Variants in TXNDC16 observed in about 807,000 individuals in gnomAD.
The protein encoded by TXNDC16 is thioredoxin domain containing 16, also known as thioredoxin domain-containing protein 16.
In TXNDC16, 74 loss-of-function variants were observed where a neutral mutation model predicts 85.6. The observed-to-expected ratio is 0.86, with a 90% CI of 0.72 to 1.05. TXNDC16 has a LOEUF of 1.05. Ranked by LOEUF, TXNDC16 falls within the 50% of genes least tolerant of loss-of-function variation. The probability of loss-of-function intolerance (pLI) is 0.00; values close to 1 mark genes in which losing one functional copy is unlikely to be tolerated. For missense variants in TXNDC16, 959 were observed against 947.0 expected (o/e 1.01, Z -0.17); for synonymous variants, 335 against 326.5 (o/e 1.03, Z -0.28).
chr14:52,529,213 A>C (rs947295495), intron 6 of TXNDC16, among the ~76,000 whole-genome samples: 82 of 150,282 alleles, frequency 5.5e-4, no homozygotes, highest in Non-Finnish European at 1.2e-4. Flanking sequence ...CATTCTCAGC[A>C]AACTATCGCA....
In TXNDC16 at chr14:52,484,982, C is replaced by G. The variant is rs566768341; in HGVS notation, c.1109-2017G>C. On this transcript the variant is annotated intron_variant, in intron 12 of 20. Coordinates refer to ENST00000281741, the MANE Select transcript of TXNDC16 (RefSeq NM_020784.3). ...ATTATTGGTTTATATATTTACTATA[C>G]TCATCATTAGAGTGTACTCCTTTCA... Among the ~76,000 whole-genome samples the G allele has an allele frequency of 2.0e-5, 3 of 152,254 alleles. No homozygotes were observed. The South Asian group carries it at 6.2e-4, about 32-fold the overall frequency.
chr14:52,457,522 T>C (rs777961727), intron 16 of TXNDC16, among the ~76,000 whole-genome samples: 5 of 152,194 alleles, frequency 3.3e-5, no homozygotes, highest in Non-Finnish European at 5.9e-5. Flanking sequence ...AGCTGTCTTA[T>C]GTGTAGCCTG....
At chr14:52,466,623 T>C (rs2035781938) in intron 16 of TXNDC16, among the ~76,000 whole-genome samples, 1 of 151,702 alleles carries the variant, frequency 6.6e-6, no homozygotes, top group Non-Finnish European at 1.5e-5. Flanking sequence ...TCCCAGCACT[T>C]TGGGAGGCCG....
intron 2 of TXNDC16, 35 bp from the exon 3 acceptor site, chr14:52,543,665 G>C: frequency 8.1e-7 from 1 of 1,232,972 alleles, no homozygotes. Context: ...AGAGTTTGTT[G>C]AATGAATTTG....
intron 14 of TXNDC16, among the ~76,000 whole-genome samples, chr14:52,481,517 T>C (rs2036150551): frequency 1.3e-5 from 2 of 152,186 alleles, no homozygotes; most frequent in Non-Finnish European, 2.9e-5. Context: ...CCAACAATTA[T>C]TGAAAACCAG....
intron 6 of TXNDC16, among the ~76,000 whole-genome samples, chr14:52,534,017 G>A (rs1179314199): frequency 6.6e-6 from 1 of 152,162 alleles, no homozygotes; most frequent in South Asian, 2.1e-4. Context: ...TACTGCTTAT[G>A]TGCCAAGTGT....
intron 9 of TXNDC16, among the ~76,000 whole-genome samples, chr14:52,501,343 T>A (rs563330967): frequency 6.6e-6 from 1 of 152,236 alleles, no homozygotes; most frequent in Admixed American, 6.5e-5. Context: ...TAATAATACA[T>A]ATAATTGCAA....
intron 16 of TXNDC16, among the ~76,000 whole-genome samples, chr14:52,468,173 T>G (rs1244230320): frequency 6.6e-6 from 1 of 152,170 alleles, no homozygotes; most frequent in Admixed American, 6.6e-5. Context: ...GGAGATTAGT[T>G]GTACAACAAT....
chr14:52,531,926 C>G (rs1032532701), intron 6 of TXNDC16, among the ~76,000 whole-genome samples: 3 of 152,088 alleles, frequency 2.0e-5, no homozygotes, highest in Admixed American at 2.0e-4. Context: ...TCTGTACTAT[C>G]TGCTCAAATT....
At position 52,543,607 on chromosome 14, in the gene TXNDC16, G is replaced by A. The variant is rs371326245; in HGVS notation, c.-50C>T. On this transcript the variant is annotated 5_prime_UTR_variant, in exon 3 of 21. Coordinates refer to ENST00000281741, the MANE Select transcript of TXNDC16 (RefSeq NM_020784.3). ...GGATTTTGTCTGTTTTTTCACTGCTGTGTTCTGTTTCCTAAGACAACACCT... is the reference window on the plus strand; with the variant it reads ...GGATTTTGTCTGTTTTTTCACTGCTATGTTCTGTTTCCTAAGACAACACCT... The A allele has an allele frequency of 6.3e-7, 1 of 1,599,592 alleles. No homozygotes were observed. The highest frequency in any genetic ancestry group is 8.5e-7 in the Non-Finnish European group (1 of 1,173,772).
intron 16 of TXNDC16, among the ~76,000 whole-genome samples, chr14:52,457,566 A>G (rs2035563265): frequency 2.0e-5 from 3 of 152,346 alleles, no homozygotes; most frequent in African/African-American, 7.2e-5. Context: ...TGATATGCAC[A>G]TTATAACCAT....
chr14:52,455,715 T>C (rs2035517704), intron 17 of TXNDC16, among the ~76,000 whole-genome samples: 1 of 152,190 alleles, frequency 6.6e-6, no homozygotes, highest in South Asian at 2.1e-4. Flanking sequence ...TTTTTTTCTA[T>C]ACAACTTACT....
chr14:52,511,877 T>C (rs1485534514), intron 8 of TXNDC16, among the ~76,000 whole-genome samples: 1 of 152,140 alleles, frequency 6.6e-6, no homozygotes, highest in Non-Finnish European at 1.5e-5. Flanking sequence ...TTGTGGGAGT[T>C]TGTGAGTTTG....
At chr14:52,541,762 A>T (rs938806713) in intron 4 of TXNDC16, among the ~76,000 whole-genome samples, 2 of 152,234 alleles carry the variant, frequency 1.3e-5, no homozygotes, top group Non-Finnish European at 2.9e-5. Flanking sequence ...ATAAATTCTA[A>T]GTTTAAATTA....
At chr14:52,505,861 A>C (rs1191661326) in intron 9 of TXNDC16, among the ~76,000 whole-genome samples, 1 of 152,196 alleles carries the variant, frequency 6.6e-6, no homozygotes, top group Non-Finnish European at 1.5e-5. Flanking sequence ...GAAGAATCAA[A>C]TAGACACAAT....
At chr14:52,499,473 T>A (rs1428094103) in intron 9 of TXNDC16, among the ~76,000 whole-genome samples, 1 of 151,864 alleles carries the variant, frequency 6.6e-6, no homozygotes, top group African/African-American at 2.4e-5. Context: ...ACAAAAGACT[T>A]GAATAGACAT....
chr14:52,513,573 T>G (rs2037006289), intron 8 of TXNDC16, among the ~76,000 whole-genome samples: 1 of 151,706 alleles, frequency 6.6e-6, no homozygotes, highest in Admixed American at 6.6e-5. Context: ...AAATTCCCAT[T>G]TAAAAAATGG....
At chr14:52,511,619 T>C (rs2036957285) in intron 8 of TXNDC16, among the ~76,000 whole-genome samples, 2 of 151,382 alleles carry the variant, frequency 1.3e-5, no homozygotes, top group South Asian at 2.1e-4. Flanking sequence ...GTATAAACAA[T>C]TTTTTTTTGC....
chr14:52,490,743 T>C (rs2036380947), intron 10 of TXNDC16, 96 bp downstream of exon 10: 1 of 1,329,122 alleles, frequency 7.5e-7, no homozygotes, highest in Middle Eastern at 2.2e-4. Flanking sequence ...TATTAGAGAT[T>C]TGAGTTTACT....
Sources: gnomAD v4.1 joint callset for allele counts (sites outside exome capture counted in the v4.1 genomes callset) on GRCh38, gnomAD v4.1.1 for gene constraint, MANE v1.5 for transcripts, NCBI Gene and HGNC (gene_info 2026-07-23, HGNC 2026-07-21) for gene names.